Variants in XIRP2 observed in about 807,000 individuals in gnomAD.
XIRP2 encodes the protein xin actin binding repeat containing 2, also known as xin actin-binding repeat-containing protein 2.
XIRP2 carries 236 observed loss-of-function variants against 277.0 expected under a neutral mutation model. That is an observed-to-expected ratio of 0.85 (90% CI 0.77 to 0.95). The LOEUF is 0.95. Ranked by LOEUF, XIRP2 falls within the 40% of genes least tolerant of loss-of-function variation. The pLI is 0.00. For synonymous variants in XIRP2, 1,490 were observed against 1,416.5 expected, an observed-to-expected ratio of 1.05 and a Z score of -1.17; for missense variants, 4,640 against 4,157.5, an observed-to-expected ratio of 1.12 and a Z score of -3.19.
rs1695408597 is a variant in XIRP2 at position 167,249,708 on chromosome 2, G to A, written c.8316G>A (p.Gln2772=). The change falls in exon 9 of 11, where the codon CAG becomes CAA. Residue 2772 remains glutamine (Q), a synonymous_variant. Transcript: ENST00000409195. ...AATCTCTGGCTGAAAGACATTATCA[G>A]TTACCTAAGAAGGAGAAAAGAGTGA... ...HKQSLAERHY[Q]LPKKEKRVTV... 1.2e-6 allele frequency: 2 copies of A among 1,613,456 alleles called. No individual in the cohort carries two copies. The highest frequency in any genetic ancestry group is 1.1e-5 in the South Asian group (1 of 91,066).
At chr2:166,998,149 G>A (rs148778134) in intron 2 of XIRP2, among the ~76,000 whole-genome samples, 75 of 152,188 alleles carry the variant, frequency 4.9e-4, no homozygotes, top group African/African-American at 1.8e-3. Flanking sequence ...TTGATTCCAT[G>A]TCTTTGCTAT....
At chr2:167,180,709 A>C (rs1182991807) in intron 3 of XIRP2, among the ~76,000 whole-genome samples, 1 of 152,180 alleles carries the variant, frequency 6.6e-6, no homozygotes, top group African/African-American at 2.4e-5. Context: ...TCTGTGCCTC[A>C]TTCAGTCACT....
chr2:167,092,519 C>T (rs1004096832), intron 2 of XIRP2, among the ~76,000 whole-genome samples: 1 of 151,980 alleles, frequency 6.6e-6, no homozygotes, highest in East Asian at 1.9e-4. Context: ...TTCTGGGTGG[C>T]ACTATAGTTA....
At chr2:167,020,455 A>G (rs1171650230) in intron 2 of XIRP2, among the ~76,000 whole-genome samples, 1 of 152,066 alleles carries the variant, frequency 6.6e-6, no homozygotes, top group Non-Finnish European at 1.5e-5. Context: ...CTTATGTAGT[A>G]TATACAATGT....
chr2:167,040,645 G>A (rs1259053886), intron 2 of XIRP2, among the ~76,000 whole-genome samples: 1 of 152,146 alleles, frequency 6.6e-6, no homozygotes, highest in African/African-American at 2.4e-5. Flanking sequence ...TTCTCTAGGG[G>A]TTTTTAGCCT....
intron 2 of XIRP2, among the ~76,000 whole-genome samples, chr2:167,001,216 A>G (rs1687359491): frequency 6.6e-6 from 1 of 152,142 alleles, no homozygotes; most frequent in Admixed American, 6.6e-5. Flanking sequence ...TCTAACACCA[A>G]GCACTAAAAG....
intron 2 of XIRP2, among the ~76,000 whole-genome samples, chr2:166,953,788 A>G (rs188069093): frequency 2.6e-5 from 4 of 151,948 alleles, no homozygotes; most frequent in Non-Finnish European, 5.9e-5. Flanking sequence ...TCTTAATGAT[A>G]TTATTTAGTC....
chr2:167,243,954 A>G lies in XIRP2; in HGVS notation c.2562A>G (p.Lys854=), dbSNP rs1426924274. 6.2e-7 allele frequency: 1 copy of G among 1,614,030 alleles called. No homozygotes were observed. The highest frequency in any genetic ancestry group is 8.5e-7 in the Non-Finnish European group (1 of 1,179,924). ...AAACCCAGCCATTAGACATTCTAAA[A>G]GAAGTTCCTGATGCAGATTCTCTAC... ...MFETQPLDIL[K]EVPDADSLQR... Residue 854 remains lysine, a synonymous_variant, in exon 9 of 11, where the codon AAA becomes AAG. Coordinates refer to ENST00000409195, the MANE Select transcript of XIRP2 (RefSeq NM_152381.6).
intron 1 of XIRP2, among the ~76,000 whole-genome samples, chr2:166,890,673 G>A (rs1485719675): frequency 1.3e-5 from 2 of 152,050 alleles, no homozygotes; most frequent in Non-Finnish European, 2.9e-5. Flanking sequence ...TCTGTATGTG[G>A]GTGTAGCAGA....
Position 167,154,222 on chromosome 2 carries a change from T to A in XIRP2, c.562+18160T>A, listed in dbSNP as rs529805937. Among the ~76,000 whole-genome samples, 10 of 149,280 alleles carry A rather than the reference T, an allele frequency of 6.7e-5. 2 individuals are homozygous for A. The highest frequency in any genetic ancestry group is 1.3e-4 in the Non-Finnish European group (9 of 67,346). On this transcript the variant is annotated intron_variant, in intron 3 of 10. Coordinates refer to ENST00000409195, the MANE Select transcript of XIRP2 (RefSeq NM_152381.6). ...TAAATGTCTTCTTTTGAGAAGTGTCTGTTCATATCCTTGGCCACTTTTTGA... is the reference window on the plus strand; with the variant it reads ...TAAATGTCTTCTTTTGAGAAGTGTCAGTTCATATCCTTGGCCACTTTTTGA...
chr2:166,983,168 C>A lies in XIRP2; in HGVS notation c.408+79278C>A, dbSNP rs140001923. The stretch of plus-strand genomic sequence containing the variant: ...GGGTTGGTTTTTAAAAAGTTTTTTT[C>A]ATCTGTATTGTATAATCCTATTGAT... On this transcript the variant is annotated intron_variant, in intron 2 of 10. Coordinates refer to ENST00000409195, the MANE Select transcript of XIRP2 (RefSeq NM_152381.6). Among the ~76,000 whole-genome samples, 427 of 152,142 alleles carry A rather than the reference C, an allele frequency of 2.8e-3. 4 individuals are homozygous for A. The highest frequency in any genetic ancestry group is 9.8e-3 in the African/African-American group (405 of 41,534).
At chr2:167,097,406 G>A (rs1049178158) in intron 2 of XIRP2, among the ~76,000 whole-genome samples, 1 of 151,882 alleles carries the variant, frequency 6.6e-6, no homozygotes, top group Non-Finnish European at 1.5e-5. Context: ...TCATTTGCTT[G>A]GTGAATCTTC....
At chr2:167,222,272 CAGTT>C (rs1042578914) in intron 5 of XIRP2, among the ~76,000 whole-genome samples, 18 of 152,144 alleles carry the variant, frequency 1.2e-4, no homozygotes, top group African/African-American at 1.7e-4. Flanking sequence ...GCCTGTTAAA[CAGTT>C]AGCCATATTC....
At position 167,251,037 on chromosome 2, in the gene XIRP2, C is replaced by G. The variant is rs181940288; in HGVS notation, c.9645C>G (p.Ile3215Met). ...TTGTAGAGAAGAGGTCTGAAATCAT[C>G]ATGTCTCCTGCAACACTTCGTCGTC... ...VPIVEKRSEI[I>M]MSPATLRRQI... Residue 3215 changes from isoleucine to methionine, a missense_variant, in exon 9 of 11, where the codon ATC becomes ATG. By Grantham distance (10) the Ile-to-Met change is conservative (BLOSUM62 1). Coordinates refer to ENST00000409195, the MANE Select transcript of XIRP2 (RefSeq NM_152381.6). The G allele has an allele frequency of 1.9e-6, 3 of 1,613,664 alleles. No individual in the cohort carries two copies. In the Admixed American group the frequency reaches 5.0e-5, roughly 27 times the overall value.
chr2:167,014,698 A>T (rs1300149443), intron 2 of XIRP2, among the ~76,000 whole-genome samples: 4 of 151,834 alleles, frequency 2.6e-5, no homozygotes, highest in Non-Finnish European at 4.4e-5. Context: ...GAAAGGGCTC[A>T]TGAAATGTTG....
At chr2:167,192,478 C>A (rs1693377413) in intron 3 of XIRP2, among the ~76,000 whole-genome samples, 1 of 152,118 alleles carries the variant, frequency 6.6e-6, no homozygotes, top group Non-Finnish European at 1.5e-5. Flanking sequence ...GAACTGAGTG[C>A]TCCTGGGAGA....
intron 2 of XIRP2, among the ~76,000 whole-genome samples, chr2:166,910,460 T>A (rs574298648): frequency 1.3e-5 from 2 of 151,840 alleles, no homozygotes; most frequent in East Asian, 3.9e-4. Flanking sequence ...GTGGTGATAT[T>A]CCCTTTATCA....
chr2:167,243,690 T>C lies in XIRP2; in HGVS notation c.2298T>C (p.Asp766=), dbSNP rs780908920. The change falls in exon 9 of 11, where the codon GAT becomes GAC. Residue 766 remains aspartate (D), a synonymous_variant. Coordinates refer to ENST00000409195, the MANE Select transcript of XIRP2 (RefSeq NM_152381.6). Reference sequence around the variant, plus strand: ...ACAGAGAAGACGTTGAAAAGGGAGATGTAAGAACAGCACGGTGGATGTTTG... The same window carrying C: ...ACAGAGAAGACGTTGAAAAGGGAGACGTAAGAACAGCACGGTGGATGTTTG... ...TVHREDVEKG[D]VRTARWMFET... The C allele has an allele frequency of 1.2e-6, 2 of 1,613,990 alleles. No individual in the cohort carries two copies. The highest frequency in any genetic ancestry group is 2.2e-5 in the South Asian group (2 of 91,066).
In XIRP2 at chr2:167,109,905, T is replaced by G. The variant is rs544539431; in HGVS notation, c.409-26004T>G. On this transcript the variant is annotated intron_variant, in intron 2 of 10. Transcript: ENST00000409195. ...ATGGTATCTCTTTGTGGTTTTAATTTGCATGTCTCTAATGATTAGTGATGT... is the reference window on the plus strand; with the variant it reads ...ATGGTATCTCTTTGTGGTTTTAATTGGCATGTCTCTAATGATTAGTGATGT... Among the ~76,000 whole-genome samples the G allele has an allele frequency of 4.7e-4, 72 of 152,324 alleles. 1 individual carries two copies. The highest frequency in any genetic ancestry group is 7.8e-4 in the Non-Finnish European group (53 of 68,028).
Sources: allele counts gnomAD v4.1 joint callset (sites outside exome capture counted in the v4.1 genomes callset), GRCh38; gene constraint gnomAD v4.1.1; transcripts MANE v1.5; gene names NCBI Gene and HGNC (gene_info 2026-07-23, HGNC 2026-07-21).